COG5: variants seen among roughly 807,000 people sequenced by gnomAD.
COG5 encodes the protein component of oligomeric golgi complex 5, also known as conserved oligomeric Golgi complex subunit 5.
A neutral mutation model predicts 110.4 loss-of-function variants in COG5; 86 were observed. The observed-to-expected ratio is 0.78, with a 90% CI of 0.65 to 0.93. The LOEUF (loss-of-function observed/expected upper bound fraction) is 0.93, where lower values mean the gene tolerates loss of function less well. Ranked by LOEUF, COG5 falls within the 40% of genes least tolerant of loss-of-function variation. The pLI is 0.00. For synonymous variants in COG5, 360 were observed against 334.6 expected (o/e 1.08, Z -0.83); for missense variants, 1,077 against 987.0 (o/e 1.09, Z -1.22).
At chr7:107,220,550 C>T (rs1238539932) in intron 19 of COG5, among the ~76,000 whole-genome samples, 1 of 152,204 alleles carries the variant, frequency 6.6e-6, no homozygotes, top group African/African-American at 2.4e-5. Context: ...TTGTCCCCAA[C>T]AGAAAAAGCT....
chr7:107,480,021 G>A (rs1797239439), intron 6 of COG5, among the ~76,000 whole-genome samples: 1 of 151,930 alleles, frequency 6.6e-6, no homozygotes, highest in Non-Finnish European at 1.5e-5. Flanking sequence ...CTCATTCTTT[G>A]TTAATGGCTA....
intron 7 of COG5, among the ~76,000 whole-genome samples, chr7:107,383,787 CCTT>C (rs1292512172): frequency 1.3e-5 from 2 of 152,124 alleles, no homozygotes; most frequent in South Asian, 2.1e-4. Flanking sequence ...TTAAAAGATG[CCTT>C]CTTTTTTCTT....
intron 21 of COG5, among the ~76,000 whole-genome samples, chr7:107,204,891 A>G (rs1017365451): frequency 6.6e-6 from 1 of 152,254 alleles, no homozygotes; most frequent in African/African-American, 2.4e-5. Flanking sequence ...AAATTGGGGC[A>G]GCGTTCTGCC....
Position 107,331,648 on chromosome 7 carries a change from C to T in COG5, c.1027-7127G>A, listed in dbSNP as rs372884925. Among the ~76,000 whole-genome samples the T allele has an allele frequency of 3.3e-5, 5 of 152,096 alleles. No individual in the cohort carries two copies. In the East Asian group the frequency reaches 7.7e-4, roughly 24 times the overall value. On this transcript the variant is annotated intron_variant, in intron 10 of 21. Coordinates refer to ENST00000297135, the MANE Select transcript of COG5 (RefSeq NM_006348.5). The stretch of plus-strand genomic sequence containing the variant: ...GTGGGCAGCAGGAAAACTGATACAA[C>T]TTGATGGGCCAGAAGATGTATTTAT...
chr7:107,311,551 G>C (rs1232694722), intron 11 of COG5, among the ~76,000 whole-genome samples: 1 of 149,342 alleles, frequency 6.7e-6, no homozygotes, highest in Non-Finnish European at 1.5e-5. Context: ...CCGCCACCGC[G>C]CCCGGCTAAT....
intron 6 of COG5, among the ~76,000 whole-genome samples, chr7:107,478,881 C>G (rs996656082): frequency 1.3e-5 from 2 of 152,066 alleles, no homozygotes; most frequent in African/African-American, 2.4e-5. Flanking sequence ...GCTTATTCCA[C>G]ATAGTATTTC....
intron 14 of COG5, among the ~76,000 whole-genome samples, chr7:107,274,717 C>T (rs1804560039): frequency 1.3e-5 from 2 of 152,202 alleles, no homozygotes; most frequent in African/African-American, 4.8e-5. Context: ...GTCACCCACG[C>T]CAACAGCGGT....
intron 11 of COG5, among the ~76,000 whole-genome samples, chr7:107,307,169 C>A (rs1238606649): frequency 1.3e-5 from 2 of 152,298 alleles, no homozygotes; most frequent in Admixed American, 1.3e-4. Context: ...CTTTCAACTG[C>A]CACAACACCA....
chr7:107,358,939 C>T (rs765932807), intron 10 of COG5, among the ~76,000 whole-genome samples: 5 of 152,126 alleles, frequency 3.3e-5, no homozygotes, highest in Admixed American at 6.6e-5. Context: ...GATTTTGCTG[C>T]GCATCCTTTC....
chr7:107,476,603 C>T (rs3801954), intron 6 of COG5, among the ~76,000 whole-genome samples: 41,808 of 151,290 alleles, frequency 0.28, 5,813 homozygotes, highest in East Asian at 0.33. Flanking sequence ...AATTGGGAAC[C>T]TCATATCAAA....
At chr7:107,455,384 A>G (rs1476185589) in intron 6 of COG5, among the ~76,000 whole-genome samples, 1 of 152,224 alleles carries the variant, frequency 6.6e-6, no homozygotes, top group African/African-American at 2.4e-5. Flanking sequence ...ATGCACAGGA[A>G]GCAAAAAGTT....
intron 6 of COG5, chr7:107,470,324 A>C (rs1382337539): frequency 6.6e-6 from 1 of 152,194 alleles, no homozygotes; most frequent in Non-Finnish European, 1.5e-5. Flanking sequence ...CATTAAGGTC[A>C]TTTTCGAAGA....
rs535671452 is a variant in COG5, at chr7:107,207,317, G to A, written c.2375+3209C>T. On this transcript the variant is annotated intron_variant, in intron 21 of 21. Coordinates refer to ENST00000297135, the MANE Select transcript of COG5 (RefSeq NM_006348.5). ...TTCCCTCCATCGATGGAGATCTTGG[G>A]AGTTCTGCAGAAGTACAGAGGAGCT... Among the ~76,000 whole-genome samples, 59 of 152,276 alleles carry A rather than the reference G, an allele frequency of 3.9e-4. 1 individual carries two copies. The South Asian group carries it at 0.012, about 30-fold the overall frequency.
intron 6 of COG5, among the ~76,000 whole-genome samples, chr7:107,424,836 C>G (rs1563027146): frequency 6.6e-6 from 1 of 152,082 alleles, no homozygotes; most frequent in Non-Finnish European, 1.5e-5. Flanking sequence ...TAAACTTGAT[C>G]ACATAATTCT....
intron 17 of COG5, among the ~76,000 whole-genome samples, chr7:107,239,235 T>A (rs1345377044): frequency 6.6e-6 from 1 of 152,228 alleles, no homozygotes; most frequent in African/African-American, 2.4e-5. Context: ...CTTATTCCAT[T>A]GAGTGTTCCT....
chr7:107,310,398 C>T (rs1808118496), intron 11 of COG5, among the ~76,000 whole-genome samples: 1 of 152,188 alleles, frequency 6.6e-6, no homozygotes. Context: ...GAAGCAATGG[C>T]TTGCATTTTT....
intron 7 of COG5, among the ~76,000 whole-genome samples, chr7:107,399,510 C>T (rs1324779846): frequency 6.6e-6 from 1 of 152,146 alleles, no homozygotes; most frequent in Non-Finnish European, 1.5e-5. Flanking sequence ...TCCACACACA[C>T]TCCTCTCTCT....
intron 6 of COG5, among the ~76,000 whole-genome samples, chr7:107,522,430 T>C (rs1386232179): frequency 6.6e-6 from 1 of 152,142 alleles, no homozygotes; most frequent in Non-Finnish European, 1.5e-5. Context: ...ATTGCGCCAT[T>C]GCACTCCAGC....
intron 17 of COG5, among the ~76,000 whole-genome samples, chr7:107,238,557 T>A (rs937212855): frequency 6.6e-6 from 1 of 152,194 alleles, no homozygotes; most frequent in Non-Finnish European, 1.5e-5. Context: ...CTGTTTTTAG[T>A]TTTTTGAGAA....
Sources: allele counts gnomAD v4.1 joint callset (sites outside exome capture counted in the v4.1 genomes callset), GRCh38; gene constraint gnomAD v4.1.1; transcripts MANE v1.5; gene names NCBI Gene and HGNC (gene_info 2026-07-23, HGNC 2026-07-21).